The following NPHP4 variants were observed in gnomAD, a reference collection of about 807,000 sequenced individuals.
NPHP4 encodes nephrocystin 4.
In NPHP4, 151 loss-of-function variants were observed where a neutral mutation model predicts 155.8. The observed-to-expected ratio is 0.97, with a 90% CI of 0.85 to 1.11. The LOEUF is 1.11. Among genes scored for constraint, NPHP4 ranks in the 50% least tolerant of loss-of-function variants. NPHP4 has a pLI of 0.00. For synonymous variants in NPHP4, 845 were observed against 816.8 expected, an observed-to-expected ratio of 1.03 and a Z score of -0.59; for missense variants, 1,956 against 1,925.7, an observed-to-expected ratio of 1.02 and a Z score of -0.29.
At chr1:5,886,283 T>C (rs1643794807) in intron 18 of NPHP4, among the ~76,000 whole-genome samples, 2 of 152,324 alleles carry the variant, frequency 1.3e-5, no homozygotes, top group South Asian at 2.1e-4. Flanking sequence ...CGGATGTACA[T>C]TCGTAAACAG....
chr1:5,965,222 T>A (rs1651260065), intron 5 of NPHP4, among the ~76,000 whole-genome samples: 2 of 151,966 alleles, frequency 1.3e-5, no homozygotes, highest in Admixed American at 1.3e-4. Context: ...TGTGAGCCAC[T>A]GCACCCGGCA....
rs527701970 is a variant in NPHP4 at position 5,948,160 on chromosome 1, G to A, written c.902C>T (p.Pro301Leu). ...CTCAGGCACCAGTACAACGACCTGCGGCCTCTGCACGAAGCCCAGACCATT... is the reference window on the plus strand; with the variant it reads ...CTCAGGCACCAGTACAACGACCTGCAGCCTCTGCACGAAGCCCAGACCATT... ...VHNGLGFVQR[P>L]QVVVLVPEMD... is the part of the protein sequence containing the mutation. The change falls in exon 8 of 30, where the codon CCG (proline) becomes CTG (leucine). Residue 301 changes from proline to leucine, a missense_variant. Physicochemically the swap from Pro to Leu is moderately conservative, Grantham distance 98 (BLOSUM62 -3). Transcript: ENST00000378156. The A allele has an allele frequency of 2.6e-4, 414 of 1,613,280 alleles. 2 individuals carry two copies. The highest frequency in any genetic ancestry group is 1.1e-3 in the South Asian group (97 of 91,050).
intron 11 of NPHP4, among the ~76,000 whole-genome samples, chr1:5,925,666 A>G (rs1343729820): frequency 6.6e-6 from 1 of 151,974 alleles, no homozygotes; most frequent in African/African-American, 2.4e-5. Flanking sequence ...CCCAGGCTGG[A>G]GTGCAGTGGC....
In NPHP4 at chr1:5,904,623, C is replaced by T. The variant is rs979604222; in HGVS notation, c.2137G>A (p.Asp713Asn). 1.2e-6 allele frequency: 2 copies of T among 1,606,406 alleles called. No homozygotes were observed. Among genetic ancestry groups the T allele is most frequent in the Admixed American group, 1.7e-5 (1 of 59,786 alleles). The change falls in exon 16 of 30, where the codon GAT becomes AAT. Residue 713 changes from aspartate (D) to asparagine (N), a missense_variant. Physicochemically the swap from Asp to Asn is conservative, Grantham distance 23. Transcript: ENST00000378156. Reference protein sequence around the residue: ...LVPVSRDGTFDAGSPGFQLRY... With the variant: ...LVPVSRDGTFNAGSPGFQLRY... The stretch of plus-strand genomic sequence containing the variant: ...CATGCACATGAGTACTCACCAGCAT[C>T]AAAGGTGCCATCTCTGCTCACAGGC...
chr1:5,865,171 G>C lies in NPHP4; in HGVS notation c.3747C>G (p.Ser1249=). The change falls in exon 27 of 30, where the codon TCC becomes TCG. Residue 1249 remains serine, a synonymous_variant. Coordinates refer to ENST00000378156, the MANE Select transcript of NPHP4 (RefSeq NM_015102.5). ...SCVAGQLTRL[S]LVLRGTQTVR... ...CTGTCTGTGTCCCCCGAAGGACAAG[G>C]GACAGGCGGGTCAGCTGGCCTGCGA... 1 of 1,613,190 alleles carries C rather than the reference G, an allele frequency of 6.2e-7. No homozygotes were observed. Among genetic ancestry groups the C allele is most frequent in the South Asian group, 1.1e-5 (1 of 91,068 alleles).
intron 23 of NPHP4, among the ~76,000 whole-genome samples, chr1:5,872,726 A>G (rs1642130868): frequency 6.6e-6 from 1 of 152,186 alleles, no homozygotes; most frequent in South Asian, 2.1e-4. Context: ...ACTACTACAA[A>G]AGGCATGTTT....
chr1:5,934,777 C>A (rs1475259265), intron 9 of NPHP4, among the ~76,000 whole-genome samples: 3 of 152,190 alleles, frequency 2.0e-5, no homozygotes, highest in African/African-American at 4.8e-5. Context: ...GACGCCCATG[C>A]CCTGCCTAGG....
chr1:5,907,308 G>C, intron 12 of NPHP4, 86 bp from the exon 13 acceptor site: 2 of 826,402 alleles, frequency 2.4e-6, no homozygotes, highest in Non-Finnish European at 1.9e-6. Flanking sequence ...CCACACCGGG[G>C]AACGGGGTAG....
chr1:5,972,028 C>T lies in NPHP4; in HGVS notation c.280-2769G>A, dbSNP rs1291793054. Among the ~76,000 whole-genome samples, 4 of 152,348 alleles carry T rather than the reference C, an allele frequency of 2.6e-5. No individual in the cohort carries two copies. The East Asian group carries it at 5.8e-4, about 22-fold the overall frequency. On this transcript the variant is annotated intron_variant, in intron 3 of 29. Transcript: ENST00000378156. ...CGGGGCCCAGTTTCCATTTTTCACC[C>T]GCAGTGATGGAAGTGGAATTGGGCC...
chr1:5,947,328 T>C, intron 8 of NPHP4, 98 bp from the exon 9 acceptor site: 2 of 1,350,210 alleles, frequency 1.5e-6, no homozygotes, highest in East Asian at 2.3e-5. Flanking sequence ...GGGGACACCC[T>C]GGGGGACACA....
At chr1:5,985,122 G>A (rs1471972360) in intron 2 of NPHP4, among the ~76,000 whole-genome samples, 5 of 152,336 alleles carry the variant, frequency 3.3e-5, no homozygotes, top group East Asian at 1.9e-4. Context: ...GGAATTGAAC[G>A]ATATAGAACA....
At chr1:5,948,496 A>G (rs2101944240) in intron 7 of NPHP4, among the ~76,000 whole-genome samples, 1 of 152,314 alleles carries the variant, frequency 6.6e-6, no homozygotes, top group East Asian at 1.9e-4. Context: ...TCCTCTCAGC[A>G]ACGCACACCC....
At chr1:5,864,563 T>G in intron 27 of NPHP4, 46 bp from the exon 28 acceptor site, 1 of 1,446,732 alleles carries the variant, frequency 6.9e-7, no homozygotes, top group Non-Finnish European at 9.2e-7. Context: ...TCTCAGGATG[T>G]GCAAGCAAGG....
chr1:5,932,834 G>A (rs1646345560), intron 10 of NPHP4, among the ~76,000 whole-genome samples: 1 of 152,086 alleles, frequency 6.6e-6, no homozygotes, highest in South Asian at 2.1e-4. Context: ...GCCACATGAG[G>A]CCCAAGCTCC....
intron 1 of NPHP4, 107 bp from the exon 2 acceptor site, chr1:5,986,434 C>A: frequency 1.1e-6 from 1 of 896,030 alleles, no homozygotes; most frequent in Non-Finnish European, 1.7e-6. Context: ...ACCTCCATCC[C>A]CCAAACCCAC....
At chr1:5,989,530 T>C (rs529992075) in intron 1 of NPHP4, among the ~76,000 whole-genome samples, 1 of 151,808 alleles carries the variant, frequency 6.6e-6, no homozygotes, top group South Asian at 2.1e-4. Context: ...AGAAGCCTCA[T>C]TCCTCCTGTG....
At position 5,874,916 on chromosome 1, in the gene NPHP4, G is replaced by C; in HGVS notation, c.3002C>G (p.Thr1001Arg). The C allele has an allele frequency of 6.2e-7, 1 of 1,613,886 alleles. No homozygotes were observed. Among genetic ancestry groups the C allele is most frequent in the Non-Finnish European group, 8.5e-7 (1 of 1,179,894 alleles). Reference sequence around the variant, plus strand: ...GATCTCCACAGTCACCGTGTGCTGTGTGTTGTGGGGGTTCTTAAGCACAAA... The same window carrying C: ...GATCTCCACAGTCACCGTGTGCTGTCTGTTGTGGGGGTTCTTAAGCACAAA... ...FEFVLKNPHN[T>R]QHTVTVEIDN... Residue 1001 changes from threonine (T) to arginine (R), a missense_variant, in exon 21 of 30, where the codon ACA (threonine) becomes AGA (arginine). Thr to Arg is a moderately conservative substitution (Grantham distance 71, BLOSUM62 -1). Transcript: ENST00000378156.
intron 10 of NPHP4, among the ~76,000 whole-genome samples, chr1:5,929,588 A>T (rs1646175493): frequency 6.6e-6 from 1 of 152,164 alleles, no homozygotes; most frequent in Non-Finnish European, 1.5e-5. Flanking sequence ...CTGTTACTAT[A>T]ATGAATTACA....
chr1:5,944,523 T>C lies in NPHP4; in HGVS notation c.1119+2581A>G, dbSNP rs1188140196. Among the ~76,000 whole-genome samples, 1 of 152,206 alleles carries C rather than the reference T, an allele frequency of 6.6e-6. No homozygotes were observed. The highest frequency in any genetic ancestry group is 1.5e-5 in the Non-Finnish European group (1 of 68,026). Reference sequence around the variant, plus strand: ...TTCACCCGGTGGATGCTTAACCCACTTCCAATGGTTCCGCACAGGAAGCAA... The same window carrying C: ...TTCACCCGGTGGATGCTTAACCCACCTCCAATGGTTCCGCACAGGAAGCAA... On this transcript the variant is annotated intron_variant, in intron 9 of 29. Transcript: ENST00000378156. The surrounding 1 kb of genome is among the most constrained non-coding windows in gnomAD (Gnocchi z 4.3).
Sources: gnomAD v4.1 joint callset for allele counts (sites outside exome capture counted in the v4.1 genomes callset) on GRCh38, gnomAD v4.1.1 for gene constraint, Gnocchi (gnomAD v3.1) non-coding constraint, MANE v1.5 for transcripts, NCBI Gene and HGNC (gene_info 2026-07-23, HGNC 2026-07-21) for gene names.